CCSER1: variants seen among roughly 807,000 people sequenced by gnomAD.
CCSER1 encodes the protein coiled-coil serine rich protein 1, also known as serine-rich coiled-coil domain-containing protein 1.
CCSER1 carries 41 observed loss-of-function variants against 82.0 expected under a neutral mutation model. The ratio of observed to expected loss-of-function variants is 0.50; its 90% CI spans 0.39 to 0.65. The LOEUF is 0.65. CCSER1 is among the 30% of genes least tolerant of loss of function. The pLI, the probability that CCSER1 is intolerant of heterozygous loss-of-function variation, is 0.00. For synonymous variants in CCSER1, 414 were observed against 383.9 expected (o/e 1.08, Z -0.92); for missense variants, 1,119 against 1,064.2 (o/e 1.05, Z -0.72).
chr4:90,506,071 G>A (rs564887951), intron 5 of CCSER1, among the ~76,000 whole-genome samples: 1 of 152,222 alleles, frequency 6.6e-6, no homozygotes, highest in African/African-American at 2.4e-5. Flanking sequence ...TCTACCCTCT[G>A]TACCTTCCTC....
rs969168102 is a variant in CCSER1, at chr4:90,879,546, A to G, written c.2095-43824A>G. 2.3e-3 allele frequency among the ~76,000 whole-genome samples: 16 copies of G among 7,004 alleles called. No individual in the cohort carries two copies. The Admixed American group carries it at 0.044, about 19-fold the overall frequency. The allele number at this position is 7,004 out of a possible 152,430, so 4.6% of individuals were successfully genotyped here. ...AGAGGAAGAGGAAGAAGAAGAAAGA[A>G]GAAGAAGAGGAAGAAGAAGAAGAGG... On this transcript the variant is annotated intron_variant, in intron 8 of 10. Coordinates refer to ENST00000509176, the MANE Select transcript of CCSER1 (RefSeq NM_001145065.2).
At chr4:91,580,778 CCTT>C (rs1166897337) in intron 10 of CCSER1, among the ~76,000 whole-genome samples, 18 of 151,670 alleles carry the variant, frequency 1.2e-4, no homozygotes, top group African/African-American at 4.1e-4. Context: ...ACAATTGCCT[CCTT>C]GACAATTTGG....
intron 4 of CCSER1, among the ~76,000 whole-genome samples, chr4:90,445,825 T>A (rs1760571946): frequency 6.6e-6 from 1 of 152,172 alleles, no homozygotes; most frequent in African/African-American, 2.4e-5. Context: ...ATGCACAGAA[T>A]GTTGCTATAT....
intron 10 of CCSER1, among the ~76,000 whole-genome samples, chr4:91,503,291 A>G (rs745763907): frequency 2.6e-5 from 4 of 151,610 alleles, no homozygotes; most frequent in East Asian, 3.9e-4. Flanking sequence ...GCAGTGAGCC[A>G]AGATGGTGCC....
intron 5 of CCSER1, among the ~76,000 whole-genome samples, chr4:90,514,318 A>G (rs1465479021): frequency 1.3e-5 from 2 of 152,104 alleles, no homozygotes; most frequent in Non-Finnish European, 2.9e-5. Flanking sequence ...TGCCTTTGAT[A>G]TTTATTTTAG....
At chr4:90,901,985 A>T (rs1448827531) in intron 8 of CCSER1, among the ~76,000 whole-genome samples, 4 of 151,750 alleles carry the variant, frequency 2.6e-5, no homozygotes, top group African/African-American at 9.7e-5. Flanking sequence ...TTCATTTTTT[A>T]AAGTTCTTTT....
intron 8 of CCSER1, among the ~76,000 whole-genome samples, chr4:90,899,490 G>A (rs1724276861): frequency 6.6e-6 from 1 of 152,000 alleles, no homozygotes; most frequent in Admixed American, 6.6e-5. Flanking sequence ...GTATTATGCT[G>A]TATAAGAGTG....
intron 8 of CCSER1, among the ~76,000 whole-genome samples, chr4:90,884,301 T>C (rs868436077): frequency 6.6e-6 from 1 of 152,258 alleles, no homozygotes; most frequent in African/African-American, 2.4e-5. Flanking sequence ...AAGCAAGTTG[T>C]AATGAATTAA....
At chr4:91,451,117 A>G (rs1301450060) in intron 10 of CCSER1, among the ~76,000 whole-genome samples, 1 of 151,996 alleles carries the variant, frequency 6.6e-6, no homozygotes, top group Non-Finnish European at 1.5e-5. Context: ...GTATCCTCAC[A>G]TAGAAGAAAA....
intron 10 of CCSER1, among the ~76,000 whole-genome samples, chr4:91,390,137 A>G (rs1439510236): frequency 6.6e-6 from 1 of 152,000 alleles, no homozygotes; most frequent in African/African-American, 2.4e-5. Flanking sequence ...GTTTCTAACC[A>G]TTAAGCCTGA....
intron 9 of CCSER1, among the ~76,000 whole-genome samples, chr4:91,055,019 T>C (rs1192798775): frequency 6.6e-6 from 1 of 152,196 alleles, no homozygotes; most frequent in African/African-American, 2.4e-5. Flanking sequence ...TTCTGTCATA[T>C]TGTGATTTGT....
intron 8 of CCSER1, among the ~76,000 whole-genome samples, chr4:90,836,346 C>CAA (rs58727029): frequency 6.8e-6 from 1 of 146,550 alleles, no homozygotes; most frequent in South Asian, 2.2e-4. Flanking sequence ...ATTAGAAAAA[C>CAA]AAAAAAAAAA....
chr4:91,372,265 T>G (rs1750098516), intron 10 of CCSER1, among the ~76,000 whole-genome samples: 2 of 152,138 alleles, frequency 1.3e-5, no homozygotes, highest in South Asian at 4.1e-4. Context: ...ACTAGAGGTT[T>G]ATTCTTCTAA....
At chr4:91,306,059 TTGTGTGTGTGTG>T (rs70965483) in intron 10 of CCSER1, among the ~76,000 whole-genome samples, 152 of 139,634 alleles carry the variant, frequency 1.1e-3, no homozygotes, top group African/African-American at 3.3e-3. Context: ...ATCAGTGTGT[TTGTGTGTGTGTG>T]TGTGTGTGTG....
chr4:90,217,391 G>T (rs1006163619), intron 1 of CCSER1, among the ~76,000 whole-genome samples: 1 of 151,964 alleles, frequency 6.6e-6, no homozygotes, highest in African/African-American at 2.4e-5. Flanking sequence ...TAGAAACAGG[G>T]TTTCATCATG....
At chr4:91,522,549 T>C (rs1760539072) in intron 10 of CCSER1, among the ~76,000 whole-genome samples, 1 of 152,216 alleles carries the variant, frequency 6.6e-6, no homozygotes, top group Admixed American at 6.5e-5. Context: ...TTTATTTCGT[T>C]GAGCAGTGGT....
chr4:91,081,199 G>C (rs1405696548), intron 9 of CCSER1, among the ~76,000 whole-genome samples: 1 of 152,138 alleles, frequency 6.6e-6, no homozygotes, highest in African/African-American at 2.4e-5. Flanking sequence ...AAATCAAAAA[G>C]CTTATCCACC....
At chr4:91,193,210 G>A (rs1560506912) in intron 10 of CCSER1, among the ~76,000 whole-genome samples, 1 of 152,122 alleles carries the variant, frequency 6.6e-6, no homozygotes, top group African/African-American at 2.4e-5. Flanking sequence ...AGAGGCATAT[G>A]CCTCTTTTCC....
At chr4:91,176,018 A>T (rs1733301201) in intron 10 of CCSER1, among the ~76,000 whole-genome samples, 1 of 152,194 alleles carries the variant, frequency 6.6e-6, no homozygotes, top group Admixed American at 6.5e-5. Flanking sequence ...TAAGGAAGGG[A>T]TCCAGTTTCA....
Sources: gnomAD v4.1 joint callset for allele counts (sites outside exome capture counted in the v4.1 genomes callset) on GRCh38, gnomAD v4.1.1 for gene constraint, MANE v1.5 for transcripts, NCBI Gene and HGNC (gene_info 2026-07-23, HGNC 2026-07-21) for gene names.